Variants in SOX5 observed in about 807,000 individuals in gnomAD.
SOX5 encodes the protein transcription factor SOX-5.
A neutral mutation model predicts 92.0 loss-of-function variants in SOX5; 9 were observed. The observed-to-expected ratio is 0.10, with a 90% CI of 0.06 to 0.17. The LOEUF (loss-of-function observed/expected upper bound fraction) is 0.17, where lower values mean the gene tolerates loss of function less well. SOX5 is among the 10% of genes least tolerant of loss of function. The pLI, the probability that SOX5 is intolerant of heterozygous loss-of-function variation, is 1.00. For missense variants in SOX5, 642 were observed against 944.5 expected, an observed-to-expected ratio of 0.68 and a Z score of 4.20; for synonymous variants, 344 against 336.3, an observed-to-expected ratio of 1.02 and a Z score of -0.25.
At chr12:24,453,099 G>A (rs984465016) in intron 1 of SOX5, among the ~76,000 whole-genome samples, 5 of 152,128 alleles carry the variant, frequency 3.3e-5, no homozygotes, top group Non-Finnish European at 7.4e-5. Flanking sequence ...TGACAGGAGT[G>A]GACCTAATTC....
At chr12:23,787,097 T>C (rs2095394180) in intron 3 of SOX5, among the ~76,000 whole-genome samples, 1 of 137,816 alleles carries the variant, frequency 7.3e-6, no homozygotes, top group South Asian at 2.2e-4. Context: ...TGATCTTAGA[T>C]GGAGGAAGGA....
At chr12:24,215,817 G>T (rs182394162) in intron 3 of SOX5, among the ~76,000 whole-genome samples, 138 of 148,174 alleles carry the variant, frequency 9.3e-4, no homozygotes, top group Non-Finnish European at 1.6e-3. Flanking sequence ...AAAAAAGAAA[G>T]AAAAAGGGGA....
intron 4 of SOX5, among the ~76,000 whole-genome samples, chr12:23,996,993 G>T (rs576996804): frequency 8.5e-5 from 13 of 152,260 alleles, no homozygotes; most frequent in Admixed American, 7.8e-4. Context: ...TTAAGAAAAT[G>T]TTGAAGGAGA....
intron 8 of SOX5, among the ~76,000 whole-genome samples, chr12:23,607,611 C>T (rs930479307): frequency 5.9e-5 from 9 of 152,036 alleles, no homozygotes; most frequent in Admixed American, 2.6e-4. Flanking sequence ...TTTTATTAAA[C>T]GTTCTTAAAG....
chr12:23,620,329 C>A (rs1355279068), intron 8 of SOX5, among the ~76,000 whole-genome samples: 1 of 152,020 alleles, frequency 6.6e-6, no homozygotes, highest in African/African-American at 2.4e-5. Context: ...TCTATTTCTA[C>A]AAGATTAGTC....
chr12:24,515,764 G>A (rs1737131742), intron 1 of SOX5, among the ~76,000 whole-genome samples: 2 of 151,994 alleles, frequency 1.3e-5, no homozygotes, highest in African/African-American at 2.4e-5. Context: ...ACATTTCCCC[G>A]ATTTTTCTCA....
intron 3 of SOX5, among the ~76,000 whole-genome samples, chr12:24,258,766 A>G (rs1405190418): frequency 1.3e-5 from 2 of 152,240 alleles, no homozygotes; most frequent in South Asian, 2.1e-4. Flanking sequence ...CAATAATAAC[A>G]TATATTGAAG....
intron 3 of SOX5, among the ~76,000 whole-genome samples, chr12:23,813,376 C>A (rs1466995713): frequency 6.6e-6 from 1 of 152,116 alleles, no homozygotes; most frequent in African/African-American, 2.4e-5. Context: ...CAGCAGCCAT[C>A]TGTCTCAGCT....
At chr12:24,026,563 G>A (rs1412747068) in intron 4 of SOX5, among the ~76,000 whole-genome samples, 2 of 131,654 alleles carry the variant, frequency 1.5e-5, no homozygotes, top group African/African-American at 5.9e-5. Flanking sequence ...CAGCCTGGGC[G>A]ACAAGGCAAA....
At chr12:24,060,804 G>A (rs549755040) in intron 4 of SOX5, among the ~76,000 whole-genome samples, 1 of 152,288 alleles carries the variant, frequency 6.6e-6, no homozygotes, top group East Asian at 1.9e-4. Context: ...AGCTGCTTGG[G>A]CAGAAACCAC....
chr12:24,372,664 CA>C (rs1242262760), intron 1 of SOX5, among the ~76,000 whole-genome samples: 1 of 152,074 alleles, frequency 6.6e-6, no homozygotes, highest in East Asian at 1.9e-4. Context: ...ATTGCTGGGT[CA>C]AATTGTATTT....
intron 4 of SOX5, among the ~76,000 whole-genome samples, chr12:24,110,609 G>C (rs1947205659): frequency 6.6e-6 from 1 of 152,164 alleles, no homozygotes; most frequent in Non-Finnish European, 1.5e-5. Flanking sequence ...ATTTAGGCCA[G>C]GCATGGTGGC....
chr12:23,558,624 C>T (rs747048681), intron 11 of SOX5, among the ~76,000 whole-genome samples: 2 of 67,944 alleles, frequency 2.9e-5, no homozygotes, highest in African/African-American at 8.7e-5. Context: ...TTTTTTGAGA[C>T]GGAGTTCCGC....
chr12:23,811,676 G>C (rs939827938), intron 3 of SOX5, among the ~76,000 whole-genome samples: 1 of 152,030 alleles, frequency 6.6e-6, no homozygotes, highest in African/African-American at 2.4e-5. Context: ...CTTTTAAAAT[G>C]GTCAAAAGTG....
intron 2 of SOX5, among the ~76,000 whole-genome samples, chr12:24,284,763 C>G (rs1036561185): frequency 2.6e-5 from 4 of 152,128 alleles, no homozygotes; most frequent in Non-Finnish European, 5.9e-5. Flanking sequence ...GTTCCTGAAG[C>G]CTAGGTTGCT....
chr12:24,344,273 C>A (rs1952934250), intron 2 of SOX5, among the ~76,000 whole-genome samples: 1 of 113,240 alleles, frequency 8.8e-6, no homozygotes, highest in Non-Finnish European at 1.8e-5. Context: ...CAGAGCAAGA[C>A]TCTGTCTCAA....
chr12:23,536,415 A>T, intron 14 of SOX5, 38 bp downstream of exon 14: 1 of 1,485,780 alleles, frequency 6.7e-7, no homozygotes, highest in South Asian at 1.1e-5. Flanking sequence ...TATAACAGGA[A>T]GTTTGCCCCA....
In SOX5 at chr12:23,578,227, A is replaced by T. The variant is rs529671667; in HGVS notation, c.1165-2389T>A. 1.3e-4 allele frequency among the ~76,000 whole-genome samples: 19 copies of T among 148,966 alleles called. No homozygotes were observed. In the South Asian group the frequency reaches 4.1e-3, roughly 32 times the overall value. On this transcript the variant is annotated intron_variant, in intron 9 of 14. Coordinates refer to ENST00000451604, the MANE Select transcript of SOX5 (RefSeq NM_006940.6). ...AACCATAATCTATATATATGATGTC[A>T]TAATTGGCAGCAATATGGAAGTATT...
chr12:23,873,854 G>C (rs966778818), intron 2 of SOX5, among the ~76,000 whole-genome samples: 6 of 152,112 alleles, frequency 3.9e-5, no homozygotes, highest in African/African-American at 1.4e-4. Flanking sequence ...TGGTTAACTG[G>C]TCATTGTGCT....
Sources: gnomAD v4.1 joint callset for allele counts (sites outside exome capture counted in the v4.1 genomes callset) on GRCh38, gnomAD v4.1.1 for gene constraint, MANE v1.5 for transcripts, NCBI Gene and HGNC (gene_info 2026-07-23, HGNC 2026-07-21) for gene names.